Variants in CHRM5 observed in about 807,000 individuals in gnomAD.
The protein encoded by CHRM5 is cholinergic receptor muscarinic 5.
CHRM5 carries 18 observed loss-of-function variants against 39.0 expected under a neutral mutation model. The observed-to-expected ratio is 0.46, with a 90% CI of 0.32 to 0.68. The LOEUF is 0.68. Among genes scored for constraint, CHRM5 ranks in the 30% least tolerant of loss-of-function variants. CHRM5 has a pLI of 0.04. For missense variants in CHRM5, 515 were observed against 651.1 expected (o/e 0.79, Z 2.28); for synonymous variants, 241 against 246.3 (o/e 0.98, Z 0.20).
intron 2 of CHRM5, among the ~76,000 whole-genome samples, chr15:34,052,833 A>G (rs565467337): frequency 6.6e-6 from 1 of 152,186 alleles, no homozygotes; most frequent in Non-Finnish European, 1.5e-5. Flanking sequence ...CCAATGCTCA[A>G]TGAAATCAGA....
chr15:33,994,068 C>T (rs1258567416), intron 1 of CHRM5, among the ~76,000 whole-genome samples: 1 of 152,232 alleles, frequency 6.6e-6, no homozygotes, highest in East Asian at 1.9e-4. Context: ...GGGGGTCCCC[C>T]ACCCCCAGAC....
chr15:33,969,046 G>A lies in CHRM5; in HGVS notation c.-512G>A, dbSNP rs892961327. On this transcript the variant is annotated 5_prime_UTR_variant, in exon 1 of 3. Coordinates refer to ENST00000383263, the MANE Select transcript of CHRM5 (RefSeq NM_012125.4). Reference sequence around the variant, plus strand: ...AGACACTGCAAGAAATAAAACACTGGCAAAATAAAACATGAAAGGAAAGTA... The same window carrying A: ...AGACACTGCAAGAAATAAAACACTGACAAAATAAAACATGAAAGGAAAGTA... The A allele has an allele frequency of 3.3e-5, 5 of 151,960 alleles. No individual in the cohort carries two copies. Among genetic ancestry groups the A allele is most frequent in the African/African-American group, 9.7e-5 (4 of 41,378 alleles). The allele number at this position is 151,960 out of a possible 1,614,324, so 9.4% of individuals were successfully genotyped here. A position where few individuals can be genotyped will look rare whatever the true frequency, so the allele number is the denominator to read the frequency against.
At chr15:34,008,975 CAG>C (rs869186780) in intron 1 of CHRM5, among the ~76,000 whole-genome samples, 10,125 of 149,376 alleles carry the variant, frequency 0.068, 437 homozygotes, top group Non-Finnish European at 0.1. Context: ...CACACACACA[CAG>C]ACCATCGAGA....
At chr15:33,977,912 G>C (rs1222396655) in intron 1 of CHRM5, among the ~76,000 whole-genome samples, 4 of 151,672 alleles carry the variant, frequency 2.6e-5, no homozygotes, top group African/African-American at 9.7e-5. Context: ...ACTCCAGCCT[G>C]GGTGACAGAA....
chr15:34,017,719 A>T (rs1388570552), intron 1 of CHRM5, among the ~76,000 whole-genome samples: 1 of 152,058 alleles, frequency 6.6e-6, no homozygotes, highest in Non-Finnish European at 1.5e-5. Context: ...ACCTCAAGTG[A>T]TCCACCCACC....
Position 34,063,847 on chromosome 15 carries a change from T to G in CHRM5, c.1130T>G (p.Val377Gly), listed in dbSNP as rs149234550. 3.4e-4 allele frequency: 550 copies of G among 1,614,188 alleles called. No individual in the cohort carries two copies. Among genetic ancestry groups the G allele is most frequent in the Non-Finnish European group, 4.3e-4 (512 of 1,180,036 alleles). ...CATAGACCCAAGAGTCAGAAATGTG[T>G]GGCCTATAAGTTCCGATTGGTGGTA... ...AAHRPKSQKCVAYKFRLVVKA... is the reference protein window; with the variant it reads ...AAHRPKSQKCGAYKFRLVVKA... The change falls in exon 3 of 3, where the codon GTG becomes GGG. Residue 377 changes from valine (V) to glycine (G), a missense_variant. Val to Gly is a moderately radical substitution (Grantham distance 109). Coordinates refer to ENST00000383263, the MANE Select transcript of CHRM5 (RefSeq NM_012125.4). This position sits in a 1 kb window ranked among gnomAD's most constrained non-coding sequence, Gnocchi z 4.1.
intron 1 of CHRM5, among the ~76,000 whole-genome samples, chr15:34,001,648 G>A (rs1434654791): frequency 6.6e-6 from 1 of 152,188 alleles, no homozygotes; most frequent in African/African-American, 2.4e-5. Context: ...TTCTTGAACA[G>A]TCAATGAGTT....
intron 2 of CHRM5, among the ~76,000 whole-genome samples, chr15:34,056,462 A>G (rs1900154724): frequency 6.6e-6 from 1 of 152,250 alleles, no homozygotes; most frequent in African/African-American, 2.4e-5. Context: ...CTCTGTGTTA[A>G]GCCAAATTAA....
chr15:33,996,133 G>C (rs186204845), intron 1 of CHRM5, among the ~76,000 whole-genome samples: 1 of 152,224 alleles, frequency 6.6e-6, no homozygotes, highest in African/African-American at 2.4e-5. Context: ...GGGGAGGGGC[G>C]TCTGCCATTG....
At chr15:34,048,138 A>C (rs1351753173) in intron 2 of CHRM5, among the ~76,000 whole-genome samples, 1 of 152,164 alleles carries the variant, frequency 6.6e-6, no homozygotes, top group Non-Finnish European at 1.5e-5. Flanking sequence ...GGCTTTCCAA[A>C]GTGCTGGGAT....
chr15:33,973,233 T>C (rs559893634), intron 1 of CHRM5, among the ~76,000 whole-genome samples: 89 of 152,358 alleles, frequency 5.8e-4, no homozygotes, highest in Non-Finnish European at 1.1e-3. Flanking sequence ...CACTGAATAA[T>C]GTGTTCTTTA....
chr15:33,978,621 C>T lies in CHRM5; in HGVS notation c.-408+9471C>T, dbSNP rs1895997721. Among the ~76,000 whole-genome samples, 3 of 151,930 alleles carry T rather than the reference C, an allele frequency of 2.0e-5. No homozygotes were observed. In the South Asian group the frequency reaches 6.2e-4, roughly 32 times the overall value. ...GAGGTTGCAATTAGCCAAGATTACG[C>T]CACTGCATGCCAGCCTGGGTGACAG... On this transcript the variant is annotated intron_variant, in intron 1 of 2. Coordinates refer to ENST00000383263, the MANE Select transcript of CHRM5 (RefSeq NM_012125.4).
intron 1 of CHRM5, among the ~76,000 whole-genome samples, chr15:34,036,848 AATCCAT>A (rs72109981): frequency 0.15 from 22,404 of 152,068 alleles, 2,017 homozygotes; most frequent in Middle Eastern, 0.27. Flanking sequence ...TCACACCTGT[AATCCAT>A]ATCCCAGCAC....
At chr15:34,050,092 T>C (rs1899880728) in intron 2 of CHRM5, among the ~76,000 whole-genome samples, 1 of 151,942 alleles carries the variant, frequency 6.6e-6, no homozygotes, top group Admixed American at 6.6e-5. Context: ...TTCACCTTGT[T>C]GGTCAGGCTG....
intron 1 of CHRM5, among the ~76,000 whole-genome samples, chr15:34,040,667 C>T (rs1368591146): frequency 6.6e-6 from 1 of 151,942 alleles, no homozygotes; most frequent in Non-Finnish European, 1.5e-5. Flanking sequence ...GTGGTTCGTG[C>T]CTGTAATCCC....
intron 1 of CHRM5, among the ~76,000 whole-genome samples, chr15:33,977,690 A>G (rs1292307388): frequency 6.6e-6 from 1 of 152,178 alleles, no homozygotes; most frequent in Admixed American, 6.6e-5. Flanking sequence ...TGAAGAATCA[A>G]ACGTTCTCTA....
intron 1 of CHRM5, among the ~76,000 whole-genome samples, chr15:34,018,870 T>TA (rs1465170283): frequency 2.6e-4 from 19 of 73,558 alleles, no homozygotes; most frequent in African/African-American, 5.8e-4. Context: ...ATCAGTGCAT[T>TA]TATAATCCTT....
At chr15:34,044,966 T>G (rs1373972486) in intron 1 of CHRM5, among the ~76,000 whole-genome samples, 1 of 152,176 alleles carries the variant, frequency 6.6e-6, no homozygotes, top group African/African-American at 2.4e-5. Flanking sequence ...GAGAATGGCA[T>G]GAACCTGGGA....
Position 34,033,067 on chromosome 15 carries a change from T to C in CHRM5, c.-407-13473T>C, listed in dbSNP as rs560498533. Among the ~76,000 whole-genome samples the C allele has an allele frequency of 2.6e-5, 4 of 152,290 alleles. No individual in the cohort carries two copies. In the East Asian group the frequency reaches 5.8e-4, roughly 22 times the overall value. On this transcript the variant is annotated intron_variant, in intron 1 of 2. Transcript: ENST00000383263. ...TATTTATGTGAACAATGTTTCTCAA[T>C]CCTTACATCTATAAAATCAAAAATT...
Sources: gnomAD v4.1 joint callset for allele counts (sites outside exome capture counted in the v4.1 genomes callset) on GRCh38, gnomAD v4.1.1 for gene constraint, Gnocchi (gnomAD v3.1) non-coding constraint, MANE v1.5 for transcripts, NCBI Gene and HGNC (gene_info 2026-07-23, HGNC 2026-07-21) for gene names.